Variants in MPPED2 observed in about 807,000 individuals in gnomAD.
The protein encoded by MPPED2 is metallophosphoesterase domain containing 2.
Under a neutral mutation model 33.0 loss-of-function variants are expected in MPPED2, and 5 were observed. That is an observed-to-expected ratio of 0.15 (90% CI 0.08 to 0.32). MPPED2 has a LOEUF of 0.32. Ranked by LOEUF, MPPED2 falls within the 10% of genes least tolerant of loss-of-function variation. The probability of loss-of-function intolerance (pLI) is 1.00; values close to 1 mark genes in which losing one functional copy is unlikely to be tolerated. For synonymous variants in MPPED2, 136 were observed against 141.9 expected (o/e 0.96, Z 0.29); for missense variants, 275 against 372.1 (o/e 0.74, Z 2.15).
At chr11:30,533,479 T>TG (rs1193661419) in intron 3 of MPPED2, among the ~76,000 whole-genome samples, 1 of 152,052 alleles carries the variant, frequency 6.6e-6, no homozygotes, top group African/African-American at 2.4e-5. Context: ...TGCCCTATTA[T>TG]GGAAAAAGCC....
At chr11:30,436,591 T>A (rs549496309) in intron 4 of MPPED2, among the ~76,000 whole-genome samples, 1 of 152,224 alleles carries the variant, frequency 6.6e-6, no homozygotes, top group African/African-American at 2.4e-5. Context: ...AGGTCCATGA[T>A]GAAAAAGACT....
chr11:30,504,082 C>A (rs571122227), intron 3 of MPPED2, among the ~76,000 whole-genome samples: 116 of 152,270 alleles, frequency 7.6e-4, no homozygotes, highest in South Asian at 2.1e-3. Context: ...TGGGGCAGTG[C>A]CAGATGCCTG....
At chr11:30,503,404 C>T (rs1353522611) in intron 3 of MPPED2, among the ~76,000 whole-genome samples, 14 of 152,150 alleles carry the variant, frequency 9.2e-5, no homozygotes, top group Admixed American at 9.2e-4. Context: ...CAGAAGACAA[C>T]TCTTGCCTCA....
intron 2 of MPPED2, among the ~76,000 whole-genome samples, chr11:30,568,672 C>T (rs1052784078): frequency 6.6e-6 from 1 of 152,256 alleles, no homozygotes; most frequent in Non-Finnish European, 1.5e-5. Context: ...AGGGAACAGG[C>T]CCTAGCATAC....
Position 30,586,196 on chromosome 11 carries a change from C to T in MPPED2, c.-276G>A, listed in dbSNP as rs1957464195. 1 of 153,086 alleles carries T rather than the reference C, an allele frequency of 6.5e-6. No homozygotes were observed. Among genetic ancestry groups the T allele is most frequent in the African/African-American group, 2.4e-5 (1 of 41,418 alleles). The allele number at this position is 153,086 out of a possible 1,614,324, so 9.5% of individuals were successfully genotyped here. ...GGCCAGAACCTTCGACCCCGGAGGT[C>T]CCGCCGCAGGCTGGGGCTGGGGGCC... On this transcript the variant is annotated 5_prime_UTR_variant, in exon 1 of 7. Transcript: ENST00000358117. This position sits in a 1 kb window ranked among gnomAD's most constrained non-coding sequence, Gnocchi z 4.8.
At chr11:30,403,244 C>G (rs1947937368) in intron 6 of MPPED2, among the ~76,000 whole-genome samples, 1 of 124,468 alleles carries the variant, frequency 8.0e-6, no homozygotes, top group South Asian at 2.6e-4. Context: ...GAGACTCCGT[C>G]TCAAAAAAAA....
chr11:30,416,604 T>C (rs190108876), intron 5 of MPPED2, among the ~76,000 whole-genome samples: 10 of 152,290 alleles, frequency 6.6e-5, no homozygotes. Flanking sequence ...CATTGTACAC[T>C]GAAAAATGTG....
intron 6 of MPPED2, among the ~76,000 whole-genome samples, chr11:30,392,598 C>A (rs998215148): frequency 6.6e-6 from 1 of 152,202 alleles, no homozygotes; most frequent in African/African-American, 2.4e-5. Flanking sequence ...AGTTTTCAAA[C>A]AGGGCTTTAA....
chr11:30,512,628 C>T (rs1012773933), intron 3 of MPPED2, among the ~76,000 whole-genome samples: 4 of 152,140 alleles, frequency 2.6e-5, no homozygotes, highest in Admixed American at 1.3e-4. Flanking sequence ...AACCCTTTAA[C>T]GATTATAAAG....
chr11:30,498,252 C>G (rs1032781921), intron 3 of MPPED2, among the ~76,000 whole-genome samples: 24 of 151,382 alleles, frequency 1.6e-4, no homozygotes, highest in African/African-American at 5.6e-4. Context: ...CATATATATA[C>G]TCTAACATGG....
chr11:30,458,125 C>G (rs969616637), intron 4 of MPPED2, among the ~76,000 whole-genome samples: 1 of 152,158 alleles, frequency 6.6e-6, no homozygotes, highest in South Asian at 2.1e-4. Context: ...TATTTTCTCT[C>G]GTGCCTAATG....
At chr11:30,468,623 G>T (rs967767813) in intron 4 of MPPED2, among the ~76,000 whole-genome samples, 1 of 152,104 alleles carries the variant, frequency 6.6e-6, no homozygotes, top group Non-Finnish European at 1.5e-5. Flanking sequence ...AAGAAAAGAT[G>T]CCCAGGCAAG....
At chr11:30,522,560 A>C (rs1378025877) in intron 3 of MPPED2, among the ~76,000 whole-genome samples, 1 of 152,174 alleles carries the variant, frequency 6.6e-6, no homozygotes, top group Non-Finnish European at 1.5e-5. Flanking sequence ...AAAAATAATT[A>C]ATCAATGGAG....
chr11:30,501,705 T>C lies in MPPED2; in HGVS notation c.311-6184A>G, dbSNP rs1952570693. The C allele has an allele frequency of 5.0e-6, 3 of 604,546 alleles. No homozygotes were observed. The African/African-American group carries it at 6.1e-5, about 12-fold the overall frequency. 37.4% of individuals were successfully genotyped at this position (604,546 alleles called of 1,614,324 possible). On this transcript the variant is annotated intron_variant, in intron 3 of 6. Transcript: ENST00000358117. ...TTAGAATCAGGTGGGGTTATTCTTC[T>C]ATGAGCATGCAGCAAGGAATAGATG...
chr11:30,457,740 T>G (rs1950339525), intron 4 of MPPED2, among the ~76,000 whole-genome samples: 1 of 152,178 alleles, frequency 6.6e-6, no homozygotes, highest in Admixed American at 6.5e-5. Flanking sequence ...TCATGCCCTT[T>G]CAAGTACACT....
At chr11:30,445,201 G>T (rs78587689) in intron 4 of MPPED2, among the ~76,000 whole-genome samples, 52,035 of 106,096 alleles carry the variant, frequency 0.49, 12,649 homozygotes, top group African/African-American at 0.73. Context: ...GAGACTCCCC[G>T]GGCTGAGGAA....
intron 3 of MPPED2, among the ~76,000 whole-genome samples, chr11:30,520,359 A>T (rs1953795845): frequency 6.6e-6 from 1 of 152,194 alleles, no homozygotes; most frequent in Non-Finnish European, 1.5e-5. Context: ...ATTAACACAA[A>T]TTCCGGATGT....
At chr11:30,560,690 C>T (rs547413091) in intron 2 of MPPED2, among the ~76,000 whole-genome samples, 1 of 152,318 alleles carries the variant, frequency 6.6e-6, no homozygotes, top group African/African-American at 2.4e-5. Context: ...CATCCCATAA[C>T]ATTTTATGAT....
chr11:30,513,326 G>C (rs1440084513), intron 3 of MPPED2, among the ~76,000 whole-genome samples: 1 of 151,940 alleles, frequency 6.6e-6, no homozygotes, highest in Non-Finnish European at 1.5e-5. Flanking sequence ...TCTCTTTTTT[G>C]GTCAGGCCTT....
Sources: allele counts gnomAD v4.1 joint callset (sites outside exome capture counted in the v4.1 genomes callset), GRCh38; gene constraint gnomAD v4.1.1; non-coding constraint Gnocchi (gnomAD v3.1); transcripts MANE v1.5; gene names NCBI Gene and HGNC (gene_info 2026-07-23, HGNC 2026-07-21).